Variants in COL26A1 observed in about 807,000 individuals in gnomAD.
COL26A1 encodes the protein collagen alpha-1(XXVI) chain.
A neutral mutation model predicts 59.3 loss-of-function variants in COL26A1; 41 were observed. The observed-to-expected ratio is 0.69, with a 90% CI of 0.54 to 0.90. The LOEUF (loss-of-function observed/expected upper bound fraction) is 0.90. Ranked by LOEUF, COL26A1 falls within the 40% of genes least tolerant of loss-of-function variation. The pLI is 0.00. For synonymous variants in COL26A1, 266 were observed against 256.0 expected (o/e 1.04, Z -0.37); for missense variants, 612 against 602.3 (o/e 1.02, Z -0.17).
intron 1 of COL26A1, among the ~76,000 whole-genome samples, chr7:101,385,341 ATATATATATGTG>A (rs1024601567): frequency 3.4e-5 from 5 of 147,606 alleles, no homozygotes; most frequent in Admixed American, 6.8e-5. Context: ...AAATATGTAT[ATATATATATGTG>A]TATATATATG....
chr7:101,531,833 C>T (rs372124153), intron 3 of COL26A1, among the ~76,000 whole-genome samples: 6 of 151,674 alleles, frequency 4.0e-5, no homozygotes, highest in African/African-American at 1.2e-4. Context: ...ATGACAAAGA[C>T]GGGGATAGCT....
At chr7:101,445,814 C>G (rs1001287313) in intron 2 of COL26A1, among the ~76,000 whole-genome samples, 8 of 149,808 alleles carry the variant, frequency 5.3e-5, no homozygotes, top group African/African-American at 1.7e-4. Context: ...CTTTGGGAGG[C>G]CGAGGTGGGC....
At chr7:101,366,763 A>G (rs1791058587) in intron 1 of COL26A1, among the ~76,000 whole-genome samples, 1 of 152,006 alleles carries the variant, frequency 6.6e-6, no homozygotes, top group Non-Finnish European at 1.5e-5. Flanking sequence ...GGCCTCCCGA[A>G]GTGTTGGAAT....
chr7:101,431,628 T>A (rs73396729), intron 2 of COL26A1, among the ~76,000 whole-genome samples: 18,792 of 152,136 alleles, frequency 0.12, 2,305 homozygotes, highest in African/African-American at 0.32. Context: ...CTGAGAGTTT[T>A]TTTTTTAATT....
At chr7:101,416,209 C>T (rs1234948430) in intron 1 of COL26A1, among the ~76,000 whole-genome samples, 1 of 142,592 alleles carries the variant, frequency 7.0e-6, no homozygotes, top group East Asian at 1.9e-4. Flanking sequence ...GCCTGGGCAA[C>T]ATAGCTAGAC....
At chr7:101,481,359 C>A (rs993607841) in intron 3 of COL26A1, among the ~76,000 whole-genome samples, 1 of 150,602 alleles carries the variant, frequency 6.6e-6, no homozygotes, top group Non-Finnish European at 1.5e-5. Context: ...TCTCTTTATT[C>A]TTGTAAGCAC....
intron 3 of COL26A1, among the ~76,000 whole-genome samples, chr7:101,497,615 G>T (rs116487909): frequency 0.02 from 3,118 of 152,188 alleles, 113 homozygotes; most frequent in African/African-American, 0.071. Context: ...GGCTGAGGCT[G>T]CAGTGAGCTG....
intron 3 of COL26A1, among the ~76,000 whole-genome samples, chr7:101,492,295 C>T (rs1395230380): frequency 6.6e-6 from 1 of 152,162 alleles, no homozygotes; most frequent in African/African-American, 2.4e-5. Context: ...GGATTTGCCA[C>T]TGTTTCTTGG....
At chr7:101,482,676 G>A (rs1794182124) in intron 3 of COL26A1, among the ~76,000 whole-genome samples, 1 of 152,164 alleles carries the variant, frequency 6.6e-6, no homozygotes. Flanking sequence ...GCATCTCAGG[G>A]CTCCTTAGGG....
chr7:101,370,879 C>G (rs1453791418), intron 1 of COL26A1, among the ~76,000 whole-genome samples: 2 of 152,192 alleles, frequency 1.3e-5, no homozygotes, highest in African/African-American at 4.8e-5. Flanking sequence ...GCTTTCTGTT[C>G]ATCTCATTTG....
At chr7:101,473,318 C>T (rs889066335) in intron 3 of COL26A1, among the ~76,000 whole-genome samples, 2 of 151,966 alleles carry the variant, frequency 1.3e-5, no homozygotes, top group Non-Finnish European at 2.9e-5. Context: ...CCTTGTGATC[C>T]GCCCACCTCA....
At chr7:101,555,077 G>C (rs1278265071) in intron 11 of COL26A1, among the ~76,000 whole-genome samples, 1 of 143,152 alleles carries the variant, frequency 7.0e-6, no homozygotes, top group Non-Finnish European at 1.5e-5. Context: ...GGCTGGGCAG[G>C]ATGGGGACAG....
At chr7:101,534,521 C>T (rs80339432) in intron 4 of COL26A1, among the ~76,000 whole-genome samples, 17,306 of 152,166 alleles carry the variant, frequency 0.11, 1,211 homozygotes, top group Middle Eastern at 0.22. Context: ...CACATTTGCA[C>T]ATGTGCACAC....
chr7:101,419,908 G>T, intron 1 of COL26A1, 69 bp from the exon 2 acceptor site: 1 of 1,567,788 alleles, frequency 6.4e-7, no homozygotes. Context: ...TGTCCAGCAC[G>T]GCCCCCTGAC....
At chr7:101,550,779 C>T (rs1012143742) in intron 9 of COL26A1, among the ~76,000 whole-genome samples, 5 of 152,166 alleles carry the variant, frequency 3.3e-5, no homozygotes, top group African/African-American at 1.2e-4. Flanking sequence ...ACACGTGGGA[C>T]CCTGGCCATC....
At chr7:101,511,032 C>T (rs1184194757) in intron 3 of COL26A1, among the ~76,000 whole-genome samples, 2 of 151,778 alleles carry the variant, frequency 1.3e-5, no homozygotes, top group Non-Finnish European at 2.9e-5. Flanking sequence ...TCCCGAGTAG[C>T]TGGGACTACA....
intron 3 of COL26A1, among the ~76,000 whole-genome samples, chr7:101,518,578 G>C (rs1024238498): frequency 5.3e-5 from 8 of 152,196 alleles, no homozygotes; most frequent in African/African-American, 1.7e-4. Flanking sequence ...CCAGCTTTGC[G>C]GGGCCCTGGA....
chr7:101,555,969 C>T, intron 12 of COL26A1, 98 bp downstream of exon 12: 1 of 1,044,328 alleles, frequency 9.6e-7, no homozygotes, highest in Admixed American at 2.1e-5. Context: ...TCTGGTCTCC[C>T]TCCCTTGCCC....
At chr7:101,379,990 A>C (rs28689815) in intron 1 of COL26A1, among the ~76,000 whole-genome samples, 1 of 151,912 alleles carries the variant, frequency 6.6e-6, no homozygotes, top group African/African-American at 2.4e-5. Flanking sequence ...TTACTTACTT[A>C]CTTTCTTTTT....
Sources: gnomAD v4.1 joint callset for allele counts (sites outside exome capture counted in the v4.1 genomes callset) on GRCh38, gnomAD v4.1.1 for gene constraint, MANE v1.5 for transcripts, NCBI Gene and HGNC (gene_info 2026-07-23, HGNC 2026-07-21) for gene names.